SMARCC1: variants seen among roughly 807,000 people sequenced by gnomAD.
SMARCC1 encodes SWI/SNF complex subunit SMARCC1.
SMARCC1 carries 43 observed loss-of-function variants against 147.4 expected under a neutral mutation model. The ratio of observed to expected loss-of-function variants is 0.29; its 90% CI spans 0.23 to 0.38. SMARCC1 has a LOEUF of 0.38. Among genes scored for constraint, SMARCC1 ranks in the 10% least tolerant of loss-of-function variants. The pLI is 1.00. For synonymous variants in SMARCC1, 495 were observed against 484.4 expected, an observed-to-expected ratio of 1.02 and a Z score of -0.29; for missense variants, 1,119 against 1,381.1, an observed-to-expected ratio of 0.81 and a Z score of 3.01.
At chr3:47,764,992 C>CT (rs1255794305) in intron 2 of SMARCC1, among the ~76,000 whole-genome samples, 3 of 152,318 alleles carry the variant, frequency 2.0e-5, no homozygotes, top group African/African-American at 4.8e-5. Context: ...TGGCTCACGC[C>CT]TGTAATCCCA....
chr3:47,719,492 G>C (rs1298048133), intron 7 of SMARCC1, among the ~76,000 whole-genome samples: 1 of 151,944 alleles, frequency 6.6e-6, no homozygotes, highest in East Asian at 2.0e-4. Context: ...CCTGAGGTCA[G>C]GAGTGCAAGA....
intron 24 of SMARCC1, among the ~76,000 whole-genome samples, chr3:47,633,741 CAAAA>C (rs1162764544): frequency 4.1e-3 from 35 of 8,606 alleles, no homozygotes; most frequent in South Asian, 0.021. Flanking sequence ...GAGACTGTCT[CAAAA>C]AAAAAAAAAA....
At chr3:47,764,509 C>T (rs1478437143) in intron 2 of SMARCC1, among the ~76,000 whole-genome samples, 1 of 152,216 alleles carries the variant, frequency 6.6e-6, no homozygotes, top group African/African-American at 2.4e-5. Context: ...TACGAATCCA[C>T]ATGGTACGGA....
intron 26 of SMARCC1, among the ~76,000 whole-genome samples, chr3:47,606,817 C>T (rs971624098): frequency 2.6e-5 from 4 of 152,046 alleles, no homozygotes; most frequent in African/African-American, 9.7e-5. Context: ...AAGTGATCCT[C>T]CAGCCTCAGC....
chr3:47,691,719 G>T (rs1384618632), intron 12 of SMARCC1, among the ~76,000 whole-genome samples: 16 of 152,046 alleles, frequency 1.1e-4, no homozygotes, highest in Admixed American at 1.0e-3. Context: ...AACTGTAATT[G>T]CCAGGCCCGA....
chr3:47,669,058 G>A (rs913233092), intron 19 of SMARCC1, among the ~76,000 whole-genome samples: 9 of 152,084 alleles, frequency 5.9e-5, no homozygotes, highest in Non-Finnish European at 8.8e-5. Context: ...TATATAAATC[G>A]AAGATGTTAG....
chr3:47,671,477 C>T (rs1482684216), intron 18 of SMARCC1, among the ~76,000 whole-genome samples: 1 of 152,080 alleles, frequency 6.6e-6, no homozygotes, highest in Non-Finnish European at 1.5e-5. Flanking sequence ...GCAATAAGCC[C>T]ATATTATCTC....
chr3:47,756,682 A>G (rs1303844778), intron 2 of SMARCC1, among the ~76,000 whole-genome samples: 2 of 152,178 alleles, frequency 1.3e-5, no homozygotes. Context: ...GTTTTTGTAA[A>G]GTTTTACTGA....
At chr3:47,704,923 A>G (rs951411321) in intron 10 of SMARCC1, among the ~76,000 whole-genome samples, 3 of 151,854 alleles carry the variant, frequency 2.0e-5, no homozygotes, top group Non-Finnish European at 4.4e-5. Flanking sequence ...TCTCAAAAAA[A>G]AAGATGAAAT....
intron 5 of SMARCC1, among the ~76,000 whole-genome samples, chr3:47,729,321 C>T (rs1181945437): frequency 6.6e-6 from 1 of 152,180 alleles, no homozygotes; most frequent in Non-Finnish European, 1.5e-5. Context: ...ATTCGAGCAC[C>T]TATTAGCTAG....
intron 19 of SMARCC1, among the ~76,000 whole-genome samples, chr3:47,670,000 G>A (rs35012836): frequency 0.17 from 26,165 of 152,176 alleles, 2,793 homozygotes; most frequent in South Asian, 0.25. Context: ...AAGGAGCAGC[G>A]ACATCTTAGG....
chr3:47,775,116 C>A (rs1433132893), intron 1 of SMARCC1, among the ~76,000 whole-genome samples: 1 of 151,508 alleles, frequency 6.6e-6, no homozygotes. Flanking sequence ...CATATACTTT[C>A]AAGTGAAAAT....
At chr3:47,767,878 CTTTTT>C (rs60907462) in intron 2 of SMARCC1, among the ~76,000 whole-genome samples, 1 of 145,468 alleles carries the variant, frequency 6.9e-6, no homozygotes, top group African/African-American at 2.5e-5. Flanking sequence ...ACAGTGAACT[CTTTTT>C]TTTTTTTTAA....
At chr3:47,616,230 C>T (rs7620865) in intron 25 of SMARCC1, among the ~76,000 whole-genome samples, 1,558 of 152,288 alleles carry the variant, frequency 0.01, 21 homozygotes, top group African/African-American at 0.036. Context: ...TGTGCTTCTG[C>T]CTAGCATCAA....
intron 7 of SMARCC1, among the ~76,000 whole-genome samples, chr3:47,717,565 TTTA>T (rs758393755): frequency 6.6e-6 from 1 of 152,126 alleles, no homozygotes; most frequent in Non-Finnish European, 1.5e-5. Flanking sequence ...TGACTGGATT[TTTA>T]TTTTTATTTT....
intron 21 of SMARCC1, among the ~76,000 whole-genome samples, chr3:47,647,253 T>C (rs1405537750): frequency 6.6e-6 from 1 of 152,246 alleles, no homozygotes; most frequent in African/African-American, 2.4e-5. Context: ...GCAAAAGCGA[T>C]GCATTCTGTT....
intron 2 of SMARCC1, among the ~76,000 whole-genome samples, chr3:47,748,824 A>G (rs1172645935): frequency 6.6e-6 from 1 of 152,196 alleles, no homozygotes; most frequent in African/African-American, 2.4e-5. Context: ...AAAGACAAAA[A>G]GCAGAATGGT....
At chr3:47,656,839 A>C (rs1419171778) in intron 21 of SMARCC1, among the ~76,000 whole-genome samples, 3 of 152,090 alleles carry the variant, frequency 2.0e-5, no homozygotes, top group Admixed American at 2.0e-4. Flanking sequence ...ACTTGAGCCC[A>C]GGAGGTGGAG....
intron 17 of SMARCC1, 40 bp downstream of exon 17, chr3:47,676,589 G>A: frequency 2.0e-6 from 3 of 1,538,344 alleles, no homozygotes; most frequent in Non-Finnish European, 2.7e-6. Flanking sequence ...ATGGCCATTT[G>A]TTACTATCCA....
Sources: gnomAD v4.1 joint callset for allele counts (sites outside exome capture counted in the v4.1 genomes callset) on GRCh38, gnomAD v4.1.1 for gene constraint, MANE v1.5 for transcripts, NCBI Gene and HGNC (gene_info 2026-07-23, HGNC 2026-07-21) for gene names.